The following OGG1 variants were observed in gnomAD, a reference collection of about 807,000 sequenced individuals.
OGG1 encodes 8-oxoguanine DNA glycosylase.
In OGG1, 35 loss-of-function variants were observed where a neutral mutation model predicts 42.3. The observed-to-expected ratio is 0.83, with a 90% CI of 0.63 to 1.10. OGG1 has a LOEUF of 1.10. Ranked by LOEUF, OGG1 falls within the 50% of genes least tolerant of loss-of-function variation. The pLI is 0.00. For missense variants in OGG1, 484 were observed against 446.7 expected (o/e 1.08, Z -0.75); for synonymous variants, 189 against 179.0 (o/e 1.06, Z -0.44).
chr3:9,766,326 T>G (rs2078150618), exon 8 of OGG1: 1 of 690,804 alleles, frequency 1.4e-6, no homozygotes, highest in Non-Finnish European at 2.6e-6. Flanking sequence ...GGTCTACCCC[T>G]GGGCTTTTGG....
Sources: gnomAD v4.1 joint callset for allele counts on GRCh38, gnomAD v4.1.1 for gene constraint, MANE v1.5 for transcripts, NCBI Gene and HGNC (gene_info 2026-07-23, HGNC 2026-07-21) for gene names.